Variants in WRN observed in about 807,000 individuals in gnomAD.
The protein encoded by WRN is WRN RecQ like helicase.
Under a neutral mutation model 180.7 loss-of-function variants are expected in WRN, and 149 were observed. The ratio of observed to expected loss-of-function variants is 0.82; its 90% CI spans 0.72 to 0.94. WRN has a LOEUF of 0.94. WRN is among the 40% of genes least tolerant of loss of function. The pLI is 0.00. For missense variants in WRN, 1,661 were observed against 1,700.1 expected, an observed-to-expected ratio of 0.98 and a Z score of 0.40; for synonymous variants, 548 against 568.9, an observed-to-expected ratio of 0.96 and a Z score of 0.52.
At chr8:31,040,953 C>T (rs2725337) in intron 1 of WRN, among the ~76,000 whole-genome samples, 10,468 of 151,790 alleles carry the variant, frequency 0.069, 585 homozygotes, top group East Asian at 0.22. Context: ...TAGATGTCTT[C>T]GAGAAAATGT....
intron 16 of WRN, among the ~76,000 whole-genome samples, chr8:31,094,348 CTTTTT>C (rs780787702): frequency 7.1e-6 from 1 of 140,308 alleles, no homozygotes. Context: ...TCTTTTCTTT[CTTTTT>C]TTTTTTTTTT....
At chr8:31,090,328 G>A (rs1813696840) in intron 13 of WRN, 137 bp from the exon 14 acceptor site, 1 of 794,932 alleles carries the variant, frequency 1.3e-6, no homozygotes, top group Non-Finnish European at 2.1e-6. Context: ...TTGTTTTAAA[G>A]TTCCAGGTTT....
intron 3 of WRN, among the ~76,000 whole-genome samples, chr8:31,059,847 G>C (rs760249856): frequency 8.5e-5 from 13 of 152,202 alleles, no homozygotes; most frequent in Non-Finnish European, 1.8e-4. Flanking sequence ...ACAAGGTCAG[G>C]AGATTGAGAC....
rs1804210859 is a variant in WRN at position 31,174,608 on chromosome 8, A to C, written c.*1506A>C. 6.6e-6 allele frequency among the ~76,000 whole-genome samples: 1 copy of C among 152,134 alleles called. No homozygotes were observed. The highest frequency in any genetic ancestry group is 2.4e-5 in the African/African-American group (1 of 41,424). On this transcript the variant is annotated 3_prime_UTR_variant, in exon 35 of 35. Coordinates refer to ENST00000298139, the MANE Select transcript of WRN (RefSeq NM_000553.6). ...AATTTTGGAAAAGTTGTGTTCCTCC[A>C]CTGGAAGCTTGACAGCTTTCCTTAA...
chr8:31,035,437 G>A (rs1319458532), intron 1 of WRN, among the ~76,000 whole-genome samples: 2 of 152,078 alleles, frequency 1.3e-5, no homozygotes, highest in African/African-American at 4.8e-5. Context: ...AAGGCCCTGG[G>A]GGAACCTGCC....
rs1206635112 is a variant in WRN at position 31,173,259 on chromosome 8, C to T, written c.*157C>T. ...GAACTGGCATCTTAAATCAGCCTTC[C>T]GCAATTCATGTAGTTTCTGGGTCTT... On this transcript the variant is annotated 3_prime_UTR_variant, in exon 35 of 35. Coordinates refer to ENST00000298139, the MANE Select transcript of WRN (RefSeq NM_000553.6). 39 of 739,042 alleles carry T rather than the reference C, an allele frequency of 5.3e-5. No homozygotes were observed. The highest frequency in any genetic ancestry group is 4.3e-4 in the Admixed American group (19 of 43,972). 45.8% of individuals were successfully genotyped at this position (739,042 alleles called of 1,614,324 possible). A position where few individuals can be genotyped will look rare whatever the true frequency, so the allele number is the denominator to read the frequency against.
At chr8:31,062,117 A>C (rs986105387) in intron 3 of WRN, among the ~76,000 whole-genome samples, 2 of 151,694 alleles carry the variant, frequency 1.3e-5, no homozygotes, top group Non-Finnish European at 2.9e-5. Flanking sequence ...TGTAAGGTTC[A>C]CCCTTCATTT....
At chr8:31,092,677 A>G (rs1025075834) in intron 16 of WRN, among the ~76,000 whole-genome samples, 2 of 152,012 alleles carry the variant, frequency 1.3e-5, no homozygotes, top group African/African-American at 4.8e-5. Context: ...ATAAATGCAT[A>G]CAAAGATGTA....
At chr8:31,044,368 A>T (rs1361540568) in intron 1 of WRN, among the ~76,000 whole-genome samples, 25 of 14,836 alleles carry the variant, frequency 1.7e-3, no homozygotes, top group East Asian at 2.7e-3. Context: ...TTTTTTTTTG[A>T]GACGTTGAGA....
chr8:31,167,292 C>A, intron 34 of WRN, 62 bp downstream of exon 34: 1 of 1,364,532 alleles, frequency 7.3e-7, no homozygotes, highest in Non-Finnish European at 1.0e-6. Flanking sequence ...TATCCTAGTA[C>A]TAGAATGCTG....
At chr8:31,125,537 G>GAGATATATATATATAT (rs1365119717) in intron 23 of WRN, among the ~76,000 whole-genome samples, 12 of 63,764 alleles carry the variant, frequency 1.9e-4, no homozygotes, top group Non-Finnish European at 6.1e-5. Context: ...ATATTATGGA[G>GAGATATATATATATAT]ATATATATAT....
chr8:31,135,451 CA>C (rs143133542), intron 24 of WRN, among the ~76,000 whole-genome samples: 2,228 of 152,056 alleles, frequency 0.015, 46 homozygotes, highest in African/African-American at 0.049. Flanking sequence ...TGGGGGGATT[CA>C]AAGCTAAATT....
intron 18 of WRN, among the ~76,000 whole-genome samples, chr8:31,111,341 A>T (rs1563357436): frequency 6.6e-6 from 1 of 152,234 alleles, no homozygotes; most frequent in Non-Finnish European, 1.5e-5. Flanking sequence ...AAGTAGGCTT[A>T]ATTTAATAAG....
At chr8:31,143,657 G>T in intron 28 of WRN, 34 bp downstream of exon 28, 1 of 1,439,384 alleles carries the variant, frequency 6.9e-7, no homozygotes, top group Non-Finnish European at 9.7e-7. Flanking sequence ...TTCTATACTT[G>T]CTTTATGAGT....
intron 18 of WRN, among the ~76,000 whole-genome samples, chr8:31,105,996 T>C (rs1801081414): frequency 6.6e-6 from 1 of 152,082 alleles, no homozygotes; most frequent in South Asian, 2.1e-4. Context: ...GACCAACAGG[T>C]ATCTCAAACT....
At chr8:31,113,025 G>A (rs1801377598) in intron 19 of WRN, among the ~76,000 whole-genome samples, 1 of 152,006 alleles carries the variant, frequency 6.6e-6, no homozygotes, top group South Asian at 2.1e-4. Context: ...GGGCAACATG[G>A]TGAATCCCTG....
chr8:31,085,467 T>C (rs1287245060), intron 11 of WRN, among the ~76,000 whole-genome samples: 1 of 151,596 alleles, frequency 6.6e-6, no homozygotes, highest in Non-Finnish European at 1.5e-5. Flanking sequence ...CTTTGTTCCT[T>C]CTTTTTTTTT....
chr8:31,039,874 C>T (rs1346695738), intron 1 of WRN, among the ~76,000 whole-genome samples: 1 of 152,132 alleles, frequency 6.6e-6, no homozygotes, highest in Non-Finnish European at 1.5e-5. Context: ...TTGAACCACC[C>T]TTGCCTTTCT....
chr8:31,120,315 G>A lies in WRN; in HGVS notation c.2521G>A (p.Ala841Thr), dbSNP rs748169173. 3.8e-5 allele frequency: 62 copies of A among 1,612,894 alleles called. No individual in the cohort carries two copies. The highest frequency in any genetic ancestry group is 1.6e-4 in the Middle Eastern group (1 of 6,082). Residue 841 changes from alanine to threonine, a missense_variant, in exon 21 of 35, where the codon GCT becomes ACT. This residue lies in a region of WRN where 1,141 missense variants were observed against 1,149.4 expected (regional missense o/e 0.99). Transcript: ENST00000298139. ...ADIRQVIHYG[A>T]PKDMESYYQE... Reference sequence around the variant, plus strand: ...CATTCGCCAAGTCATTCATTACGGTGCTCCTAAGGACATGGAATCATATTA... The same window carrying A: ...CATTCGCCAAGTCATTCATTACGGTACTCCTAAGGACATGGAATCATATTA...
Sources: gnomAD v4.1 joint callset for allele counts (sites outside exome capture counted in the v4.1 genomes callset) on GRCh38, gnomAD v4.1.1 for gene constraint, gnomAD v4.1.1 regional missense constraint, MANE v1.5 for transcripts, NCBI Gene and HGNC (gene_info 2026-07-23, HGNC 2026-07-21) for gene names.